The following TCF4 variants were observed in gnomAD, a reference collection of about 807,000 sequenced individuals.
TCF4 encodes SL3-3 enhancer factor 2.
TCF4 carries 3 observed loss-of-function variants against 82.1 expected under a neutral mutation model. The observed-to-expected ratio is 0.04, with a 90% CI of 0.02 to 0.09. The LOEUF (loss-of-function observed/expected upper bound fraction) is 0.09, where lower values mean the gene tolerates loss of function less well. Ranked by LOEUF, TCF4 falls within the 10% of genes least tolerant of loss-of-function variation. The pLI is 1.00. For synonymous variants in TCF4, 276 were observed against 309.6 expected, an observed-to-expected ratio of 0.89 and a Z score of 1.14; for missense variants, 518 against 852.7, an observed-to-expected ratio of 0.61 and a Z score of 4.89.
intron 3 of TCF4, among the ~76,000 whole-genome samples, chr18:55,495,396 T>C (rs536116912): frequency 2.6e-5 from 4 of 152,198 alleles, no homozygotes; most frequent in East Asian, 3.9e-4. Flanking sequence ...ATAATTTAAC[T>C]TTTAAATCTT....
At chr18:55,312,845 T>A (rs1309318218) in intron 8 of TCF4, among the ~76,000 whole-genome samples, 1 of 151,532 alleles carries the variant, frequency 6.6e-6, no homozygotes, top group East Asian at 1.9e-4. Flanking sequence ...TTACCTTATT[T>A]AAGTTTTTAA....
At chr18:55,312,517 T>C (rs2072852486) in intron 8 of TCF4, among the ~76,000 whole-genome samples, 1 of 152,184 alleles carries the variant, frequency 6.6e-6, no homozygotes, top group Admixed American at 6.5e-5. Flanking sequence ...CATTTTTCAA[T>C]GTCATATCTG....
chr18:55,498,685 C>T (rs1426112816), intron 3 of TCF4, among the ~76,000 whole-genome samples: 4 of 152,118 alleles, frequency 2.6e-5, no homozygotes, highest in African/African-American at 9.7e-5. Context: ...GGACCTGGCA[C>T]CTGAACCTCA....
At chr18:55,392,389 T>G (rs1189902187) in intron 6 of TCF4, among the ~76,000 whole-genome samples, 1 of 139,698 alleles carries the variant, frequency 7.2e-6, no homozygotes, top group African/African-American at 2.7e-5. Flanking sequence ...AGGGCTGAGG[T>G]GGGAAGACTG....
intron 3 of TCF4, among the ~76,000 whole-genome samples, chr18:55,467,487 C>T (rs1305808586): frequency 6.6e-6 from 1 of 152,128 alleles, no homozygotes; most frequent in East Asian, 1.9e-4. Context: ...CCCCAGGTAA[C>T]TTTTATGCAC....
At chr18:55,461,873 T>G (rs2095872802) in intron 4 of TCF4, among the ~76,000 whole-genome samples, 1 of 152,176 alleles carries the variant, frequency 6.6e-6, no homozygotes, top group Non-Finnish European at 1.5e-5. Context: ...TCCAGTTACT[T>G]AATTTTAATG....
At chr18:55,519,417 G>C (rs2096913791) in intron 3 of TCF4, among the ~76,000 whole-genome samples, 1 of 148,336 alleles carries the variant, frequency 6.7e-6, no homozygotes, top group Non-Finnish European at 1.5e-5. Context: ...ATGGGCAACA[G>C]AGTGAGACCC....
In TCF4 at chr18:55,588,153, C is replaced by G. The variant is rs959922343; in HGVS notation, c.-136G>C. ...CTGCGCCCGCTCCCGCGCCTGCTGC[C>G]TCCCCGCCGCCGCCGCCGCCGCCGC... On this transcript the variant is annotated 5_prime_UTR_variant, in exon 1 of 20. Coordinates refer to ENST00000354452, the MANE Select transcript of TCF4 (RefSeq NM_001083962.2). 14 of 1,092,026 alleles carry G rather than the reference C, an allele frequency of 1.3e-5. No individual in the cohort carries two copies. The highest frequency in any genetic ancestry group is 8.1e-5 in the South Asian group (2 of 24,622). The allele number at this position is 1,092,026 out of a possible 1,614,324, so 67.6% of individuals were successfully genotyped here.
Position 55,633,341 on chromosome 18 carries a change from G to A in TCF4, c.196-1953C>T, listed in dbSNP as rs981919203. Among the ~76,000 whole-genome samples, 3 of 152,098 alleles carry A rather than the reference G, an allele frequency of 2.0e-5. No individual in the cohort carries two copies. Among genetic ancestry groups the A allele is most frequent in the East Asian group, 1.9e-4 (1 of 5,184 alleles). On this transcript the variant is annotated intron_variant, in intron 1 of 20. Transcript: ENST00000398339. This position sits in a 1 kb window ranked among gnomAD's most constrained non-coding sequence, Gnocchi z 4.0. ...CTCAGCTTCTCTCCATGTGGGACTC[G>A]CCACAGTCTGCTTGAGTGTCTTTAT... is the stretch of plus-strand genomic sequence containing the variant.
intron 3 of TCF4, among the ~76,000 whole-genome samples, chr18:55,504,998 A>T (rs888902274): frequency 2.0e-5 from 3 of 152,228 alleles, no homozygotes; most frequent in Non-Finnish European, 4.4e-5. Context: ...GTGCCCAGTT[A>T]TCCGTCTTAC....
At chr18:55,567,256 T>G (rs1224286224) in intron 3 of TCF4, among the ~76,000 whole-genome samples, 1 of 152,082 alleles carries the variant, frequency 6.6e-6, no homozygotes, top group Non-Finnish European at 1.5e-5. Context: ...ACATACAAAC[T>G]GAATAAAGGG....
intron 3 of TCF4, among the ~76,000 whole-genome samples, chr18:55,549,515 T>TC (rs1373247628): frequency 1.3e-5 from 2 of 152,200 alleles, no homozygotes; most frequent in African/African-American, 4.8e-5. Context: ...TTTTTAAACT[T>TC]CTTGTCACAA....
At chr18:55,556,806 T>C (rs2097308446) in intron 3 of TCF4, among the ~76,000 whole-genome samples, 1 of 152,236 alleles carries the variant, frequency 6.6e-6, no homozygotes, top group South Asian at 2.1e-4. Context: ...GTTATTCAGT[T>C]CAGTTCATGA....
chr18:55,449,819 C>T (rs2095590949), intron 5 of TCF4, among the ~76,000 whole-genome samples: 1 of 151,986 alleles, frequency 6.6e-6, no homozygotes, highest in Non-Finnish European at 1.5e-5. Flanking sequence ...TCAGATATTA[C>T]ACACTTTCTA....
intron 5 of TCF4, among the ~76,000 whole-genome samples, chr18:55,439,272 AG>A (rs1212236487): frequency 6.6e-6 from 1 of 152,132 alleles, no homozygotes; most frequent in African/African-American, 2.4e-5. Flanking sequence ...TTGGGAAGAG[AG>A]GGATCCACAT....
intron 5 of TCF4, among the ~76,000 whole-genome samples, chr18:55,410,564 C>T (rs2958186): frequency 0.39 from 58,899 of 151,796 alleles, 13,099 homozygotes; most frequent in African/African-American, 0.61. Flanking sequence ...TTTTTATAGA[C>T]GAAGTCACTA....
chr18:55,508,065 C>T (rs2096783287), intron 3 of TCF4, among the ~76,000 whole-genome samples: 2 of 152,058 alleles, frequency 1.3e-5, no homozygotes, highest in Non-Finnish European at 2.9e-5. Context: ...GGCTTCCTGA[C>T]CAGAGGACCA....
intron 3 of TCF4, 138 bp from the exon 4 acceptor site, chr18:55,464,275 G>C: frequency 2.6e-6 from 2 of 764,884 alleles, no homozygotes; most frequent in South Asian, 2.9e-5. Flanking sequence ...CATGATGATA[G>C]TGGCTTCTGA....
At chr18:55,360,238 G>C (rs1203935667) in intron 6 of TCF4, among the ~76,000 whole-genome samples, 1 of 152,176 alleles carries the variant, frequency 6.6e-6, no homozygotes, top group East Asian at 1.9e-4. Context: ...ATGACATTGA[G>C]CACTTGGAAT....
Sources: allele counts gnomAD v4.1 joint callset (sites outside exome capture counted in the v4.1 genomes callset), GRCh38; gene constraint gnomAD v4.1.1; non-coding constraint Gnocchi (gnomAD v3.1); transcripts MANE v1.5; gene names NCBI Gene and HGNC (gene_info 2026-07-23, HGNC 2026-07-21).